Variants in CNTN4 observed in about 807,000 individuals in gnomAD.
The protein encoded by CNTN4 is contactin 4.
CNTN4 carries 77 observed loss-of-function variants against 122.5 expected under a neutral mutation model. The ratio of observed to expected loss-of-function variants is 0.63; its 90% CI spans 0.52 to 0.76. The LOEUF (loss-of-function observed/expected upper bound fraction) is 0.76, where lower values mean the gene tolerates loss of function less well. CNTN4 is among the 30% of genes least tolerant of loss of function. The probability of loss-of-function intolerance (pLI) is 0.00; values close to 1 mark genes in which losing one functional copy is unlikely to be tolerated. For synonymous variants in CNTN4, 512 were observed against 447.0 expected, an observed-to-expected ratio of 1.15 and a Z score of -1.83; for missense variants, 1,256 against 1,259.1, an observed-to-expected ratio of 1.00 and a Z score of 0.04.
chr3:2,669,455 T>C (rs556240601), intron 4 of CNTN4, among the ~76,000 whole-genome samples: 107 of 152,374 alleles, frequency 7.0e-4, no homozygotes, highest in Non-Finnish European at 1.4e-3. Flanking sequence ...TGTCATTTTT[T>C]ATTGCATCTA....
At chr3:2,116,856 T>A (rs1441266681) in intron 2 of CNTN4, among the ~76,000 whole-genome samples, 2 of 152,130 alleles carry the variant, frequency 1.3e-5, no homozygotes, top group African/African-American at 2.4e-5. Context: ...GGTTAATCGA[T>A]CGATCTGGGG....
chr3:2,142,326 G>C (rs976157449), intron 2 of CNTN4, among the ~76,000 whole-genome samples: 1 of 151,568 alleles, frequency 6.6e-6, no homozygotes, highest in Non-Finnish European at 1.5e-5. Flanking sequence ...GACTTTGTCT[G>C]CTCTCCTGAC....
rs185301352 is a variant in CNTN4, at chr3:2,912,297, A to G, written c.1207+9292A>G. Among the ~76,000 whole-genome samples the G allele has an allele frequency of 2.6e-4, 40 of 152,340 alleles. 1 individual carries two copies. The East Asian group carries it at 6.6e-3, about 25-fold the overall frequency. On this transcript the variant is annotated intron_variant, in intron 12 of 24. Coordinates refer to ENST00000418658, the MANE Select transcript of CNTN4 (RefSeq NM_175607.3). Reference sequence around the variant, plus strand: ...GAGAGATGATCTACTCAAAGTGCTGAAAGAAGGAGCTGCCAATCAAGAATA... The same window carrying G: ...GAGAGATGATCTACTCAAAGTGCTGGAAGAAGGAGCTGCCAATCAAGAATA...
At chr3:2,527,025 C>T (rs2077422596) in intron 3 of CNTN4, among the ~76,000 whole-genome samples, 2 of 152,116 alleles carry the variant, frequency 1.3e-5, no homozygotes, top group South Asian at 2.1e-4. Flanking sequence ...TCTCAGAAAA[C>T]GTAGAAGACA....
At chr3:2,909,920 C>G (rs1386521539) in intron 12 of CNTN4, among the ~76,000 whole-genome samples, 2 of 152,140 alleles carry the variant, frequency 1.3e-5, no homozygotes, top group African/African-American at 4.8e-5. Flanking sequence ...GGAAATCTGT[C>G]CTACACAGAG....
chr3:2,982,619 GA>G (rs1279924517), intron 13 of CNTN4, among the ~76,000 whole-genome samples: 1 of 152,144 alleles, frequency 6.6e-6, no homozygotes, highest in Non-Finnish European at 1.5e-5. Flanking sequence ...CCAGCAGAAA[GA>G]GATTGTTTTC....
intron 4 of CNTN4, among the ~76,000 whole-genome samples, chr3:2,671,137 C>T (rs1031836827): frequency 3.9e-5 from 6 of 152,080 alleles, no homozygotes; most frequent in African/African-American, 7.2e-5. Context: ...TGAATGTTGG[C>T]CTGCCTTGCT....
intron 4 of CNTN4, among the ~76,000 whole-genome samples, chr3:2,705,304 C>T (rs2086596141): frequency 7.0e-6 from 1 of 142,866 alleles, no homozygotes; most frequent in Non-Finnish European, 1.5e-5. Flanking sequence ...GGAGGCAGAG[C>T]TTGCAGTGAG....
At chr3:2,891,067 C>T (rs1303325914) in intron 10 of CNTN4, among the ~76,000 whole-genome samples, 1 of 152,084 alleles carries the variant, frequency 6.6e-6, no homozygotes, top group Non-Finnish European at 1.5e-5. Flanking sequence ...AAATCCCTGC[C>T]CTCAAGGACC....
chr3:2,336,127 C>T (rs902233491), intron 2 of CNTN4, among the ~76,000 whole-genome samples: 3 of 152,078 alleles, frequency 2.0e-5, no homozygotes, highest in South Asian at 2.1e-4. Context: ...AGATCCATTA[C>T]GGTCCTGAGA....
chr3:2,935,271 CAT>C (rs1008866854), intron 13 of CNTN4, among the ~76,000 whole-genome samples: 2 of 152,078 alleles, frequency 1.3e-5, no homozygotes, highest in Non-Finnish European at 2.9e-5. Flanking sequence ...TAACTCAAGA[CAT>C]ATATATGGAA....
At chr3:3,046,263 A>G (rs1244020364) in intron 23 of CNTN4, among the ~76,000 whole-genome samples, 1 of 152,224 alleles carries the variant, frequency 6.6e-6, no homozygotes, top group Non-Finnish European at 1.5e-5. Flanking sequence ...ATTCAAATTC[A>G]GGAAATACAG....
intron 6 of CNTN4, among the ~76,000 whole-genome samples, chr3:2,805,275 A>G (rs1214069655): frequency 6.6e-6 from 1 of 152,210 alleles, no homozygotes; most frequent in East Asian, 1.9e-4. Flanking sequence ...CAAGTGCCAC[A>G]TGAGCTTTGT....
intron 5 of CNTN4, among the ~76,000 whole-genome samples, chr3:2,740,537 G>A (rs1576625916): frequency 6.6e-6 from 1 of 152,252 alleles, no homozygotes; most frequent in African/African-American, 2.4e-5. Flanking sequence ...AATCAAAGTA[G>A]ATACAGCAGA....
At chr3:2,661,809 C>CAAAAAA (rs544079802) in intron 4 of CNTN4, among the ~76,000 whole-genome samples, 1 of 78,466 alleles carries the variant, frequency 1.3e-5, no homozygotes, top group African/African-American at 4.7e-5. Flanking sequence ...AATTCCATCT[C>CAAAAAA]AAAAAAAAAA....
intron 10 of CNTN4, among the ~76,000 whole-genome samples, chr3:2,899,106 C>T (rs2094145639): frequency 1.3e-5 from 2 of 152,110 alleles, no homozygotes; most frequent in African/African-American, 4.8e-5. Flanking sequence ...CTGTGTTTTG[C>T]TCGTTGAAAA....
intron 2 of CNTN4, among the ~76,000 whole-genome samples, chr3:2,283,469 A>G (rs141161341): frequency 2.0e-5 from 3 of 152,304 alleles, no homozygotes; most frequent in South Asian, 2.1e-4. Flanking sequence ...CAACATTTTC[A>G]TAAATATGTC....
At chr3:2,170,582 A>C (rs2036458652) in intron 2 of CNTN4, among the ~76,000 whole-genome samples, 1 of 152,142 alleles carries the variant, frequency 6.6e-6, no homozygotes, top group Non-Finnish European at 1.5e-5. Context: ...TCAAGTAAAA[A>C]TCTTTACAGT....
chr3:2,216,126 G>C (rs2038830689), intron 2 of CNTN4, among the ~76,000 whole-genome samples: 1 of 152,010 alleles, frequency 6.6e-6, no homozygotes, highest in East Asian at 1.9e-4. Flanking sequence ...CAAAGACATG[G>C]AATCAGCCTA....
Sources: allele counts gnomAD v4.1 joint callset (sites outside exome capture counted in the v4.1 genomes callset), GRCh38; gene constraint gnomAD v4.1.1; transcripts MANE v1.5; gene names NCBI Gene and HGNC (gene_info 2026-07-23, HGNC 2026-07-21).